RTN4: variants seen among roughly 807,000 people sequenced by gnomAD.
RTN4 encodes reticulon-4.
A neutral mutation model predicts 90.4 loss-of-function variants in RTN4; 32 were observed. The ratio of observed to expected loss-of-function variants is 0.35; its 90% confidence interval spans 0.27 to 0.48. The LOEUF is 0.48. Ranked by LOEUF, RTN4 falls within the 20% of genes least tolerant of loss-of-function variation. RTN4 has a pLI of 0.99. For synonymous variants in RTN4, 629 were observed against 552.5 expected (o/e 1.14, Z -1.94); for missense variants, 1,706 against 1,430.2 (o/e 1.19, Z -3.11).
the RTN4 span, among the ~76,000 whole-genome samples, chr2:55,133,202 C>T: frequency 6.6e-6 from 1 of 152,102 alleles, no homozygotes; most frequent in African/African-American, 2.4e-5. Flanking sequence ...CAGACTGAGA[C>T]TCTGTCTCAA....
At chr2:55,109,256 G>T (rs1232717984) in intron 1 of RTN4, among the ~76,000 whole-genome samples, 2 of 152,104 alleles carry the variant, frequency 1.3e-5, no homozygotes, top group Non-Finnish European at 2.9e-5. Flanking sequence ...CCCAGCAAGT[G>T]GATGCCTGCA....
At chr2:55,042,252 A>C (rs2972090) in intron 1 of RTN4, among the ~76,000 whole-genome samples, 101,475 of 151,930 alleles carry the variant, frequency 0.67, 33,982 homozygotes, top group Middle Eastern at 0.76. Flanking sequence ...TTAAATGCAA[A>C]TATCCTTTGA....
the RTN4 span, among the ~76,000 whole-genome samples, chr2:55,132,120 G>C: frequency 3.3e-5 from 5 of 152,322 alleles, no homozygotes; most frequent in Middle Eastern, 3.4e-3. Flanking sequence ...GGAAATCGGT[G>C]AAACAAGAAT....
Position 54,980,594 on chromosome 2 carries a change from G to A in RTN4, c.3360+1921C>T, listed in dbSNP as rs560285325. Among the ~76,000 whole-genome samples, 3 of 152,168 alleles carry A rather than the reference G, an allele frequency of 2.0e-5. No individual in the cohort carries two copies. The East Asian group carries it at 5.8e-4, about 29-fold the overall frequency. On this transcript the variant is annotated intron_variant, in intron 5 of 8. Coordinates refer to ENST00000337526, the MANE Select transcript of RTN4 (RefSeq NM_020532.5). ...GCAAACATCGAGGATGACTTTTGGTGTATCTCTGTTGCCGTGTTTATTGAA... is the reference window on the plus strand; with the variant it reads ...GCAAACATCGAGGATGACTTTTGGTATATCTCTGTTGCCGTGTTTATTGAA...
chr2:55,066,088 T>A (rs1002703244), intron 2 of RTN4, among the ~76,000 whole-genome samples: 1 of 152,142 alleles, frequency 6.6e-6, no homozygotes, highest in African/African-American at 2.4e-5. Flanking sequence ...AGAATAGAAC[T>A]ACATGAATTG....
intron 3 of RTN4, among the ~76,000 whole-genome samples, chr2:54,988,011 G>A (rs1192902712): frequency 2.0e-5 from 3 of 152,156 alleles, no homozygotes; most frequent in Non-Finnish European, 4.4e-5. Flanking sequence ...TCCAAAACAA[G>A]GAGTTACTTA....
intron 2 of RTN4, among the ~76,000 whole-genome samples, chr2:55,078,843 G>T (rs922346011): frequency 2.6e-5 from 4 of 152,140 alleles, no homozygotes; most frequent in Admixed American, 1.3e-4. Flanking sequence ...TTTGTGGAGG[G>T]AGTATTTAAA....
At chr2:55,064,575 T>A (rs1358562179) in intron 2 of RTN4, among the ~76,000 whole-genome samples, 1 of 152,180 alleles carries the variant, frequency 6.6e-6, no homozygotes, top group Non-Finnish European at 1.5e-5. Context: ...GGTCTCAAAC[T>A]CCTGACCTCA....
intron 1 of RTN4, chr2:55,049,184 C>G (rs200323134): frequency 1.7e-5 from 17 of 986,350 alleles, no homozygotes; most frequent in Non-Finnish European, 1.9e-5. Context: ...CAGCTCCCCA[C>G]GAGCACAGGA....
chr2:55,069,887 C>G (rs977913778), intron 2 of RTN4, among the ~76,000 whole-genome samples: 4 of 152,172 alleles, frequency 2.6e-5, no homozygotes, highest in African/African-American at 9.7e-5. Flanking sequence ...AAGCCAAATG[C>G]TGGCTGGAGA....
At chr2:55,086,200 A>T (rs1668834499) in intron 1 of RTN4, among the ~76,000 whole-genome samples, 1 of 152,226 alleles carries the variant, frequency 6.6e-6, no homozygotes, top group South Asian at 2.1e-4. Flanking sequence ...TGGGAATATA[A>T]AGTTGTAAAA....
intron 1 of RTN4, among the ~76,000 whole-genome samples, chr2:55,109,176 G>C (rs1157222331): frequency 6.6e-6 from 1 of 152,054 alleles, no homozygotes; most frequent in Non-Finnish European, 1.5e-5. Flanking sequence ...TTATATATTA[G>C]AAGAGTGCTA....
intron 1 of RTN4, among the ~76,000 whole-genome samples, chr2:55,089,284 A>C (rs1668896006): frequency 6.6e-6 from 1 of 152,200 alleles, no homozygotes; most frequent in African/African-American, 2.4e-5. Flanking sequence ...CATGTAATCT[A>C]TAATTAACTT....
intron 3 of RTN4, among the ~76,000 whole-genome samples, chr2:55,007,480 A>G (rs1573364696): frequency 6.6e-6 from 1 of 152,148 alleles, no homozygotes; most frequent in South Asian, 2.1e-4. Flanking sequence ...TATCTCTTCC[A>G]TAAAACCAGA....
At chr2:55,074,651 C>T (rs1668571244) in intron 2 of RTN4, among the ~76,000 whole-genome samples, 1 of 152,004 alleles carries the variant, frequency 6.6e-6, no homozygotes, top group Non-Finnish European at 1.5e-5. Context: ...ACCAATATCC[C>T]TGATGAACAT....
the RTN4 span, among the ~76,000 whole-genome samples, chr2:55,126,237 C>T: frequency 6.6e-6 from 1 of 151,974 alleles, no homozygotes; most frequent in South Asian, 2.1e-4. Context: ...GGTGTGGTGG[C>T]GCATGCCTGT....
At chr2:55,094,189 G>A (rs1330334576) in intron 1 of RTN4, among the ~76,000 whole-genome samples, 1 of 152,104 alleles carries the variant, frequency 6.6e-6, no homozygotes, top group Non-Finnish European at 1.5e-5. Context: ...TGGGATTAGT[G>A]CCTTCTAAGG....
chr2:55,065,569 C>T (rs1668374970), intron 2 of RTN4, among the ~76,000 whole-genome samples: 2 of 151,912 alleles, frequency 1.3e-5, no homozygotes, highest in South Asian at 2.1e-4. Flanking sequence ...TAAGGGAATA[C>T]TATAAAAATG....
the RTN4 span, among the ~76,000 whole-genome samples, chr2:55,130,562 A>T: frequency 6.6e-6 from 1 of 152,170 alleles, no homozygotes; most frequent in Non-Finnish European, 1.5e-5. Flanking sequence ...ACCAGCCGGA[A>T]CAACAAAAAA....
Sources: allele counts gnomAD v4.1 joint callset (sites outside exome capture counted in the v4.1 genomes callset), GRCh38; gene constraint gnomAD v4.1.1; transcripts MANE v1.5; gene names NCBI Gene and HGNC (gene_info 2026-07-23, HGNC 2026-07-21).